GABRA2: variants seen among roughly 807,000 people sequenced by gnomAD.
The protein encoded by GABRA2 is gamma-aminobutyric acid receptor subunit alpha-2.
GABRA2 carries 16 observed loss-of-function variants against 48.7 expected under a neutral mutation model. The ratio of observed to expected loss-of-function variants is 0.33; its 90% confidence interval spans 0.22 to 0.50. GABRA2 has a LOEUF of 0.50. Ranked by LOEUF, GABRA2 falls within the 20% of genes least tolerant of loss-of-function variation. The pLI is 0.98. For synonymous variants in GABRA2, 185 were observed against 184.5 expected, an observed-to-expected ratio of 1.00 and a Z score of -0.02; for missense variants, 275 against 535.6, an observed-to-expected ratio of 0.51 and a Z score of 4.80.
intron 6 of GABRA2, among the ~76,000 whole-genome samples, chr4:46,307,106 T>C (rs1726835620): frequency 6.6e-6 from 1 of 152,022 alleles, no homozygotes; most frequent in African/African-American, 2.4e-5. Flanking sequence ...TTTATATATA[T>C]GTATATACTT....
chr4:46,291,899 G>T (rs1423017917), intron 8 of GABRA2, among the ~76,000 whole-genome samples: 1 of 151,726 alleles, frequency 6.6e-6, no homozygotes, highest in Non-Finnish European at 1.5e-5. Context: ...CAGAGAAATA[G>T]AATATTAAGG....
rs567609039 is a variant in GABRA2, at chr4:46,306,773, C to A, written c.560-1062G>T. Among the ~76,000 whole-genome samples the A allele has an allele frequency of 4.6e-5, 7 of 152,282 alleles. No homozygotes were observed. In the East Asian group the frequency reaches 1.4e-3, roughly 29 times the overall value. The stretch of plus-strand genomic sequence containing the variant: ...TCTCTAGGACACTGGAAATCTCATT[C>A]TCTGCAATCTATAACTTTCCTAGCT... On this transcript the variant is annotated intron_variant, in intron 6 of 9. Transcript: ENST00000381620.
intron 6 of GABRA2, 114 bp downstream of exon 6, chr4:46,310,059 T>G (rs570424914): frequency 7.3e-6 from 5 of 686,300 alleles, no homozygotes; most frequent in Non-Finnish European, 1.0e-5. Context: ...CCAAGTCTTA[T>G]TGACAATTGT....
chr4:46,313,325 T>TA (rs1338763065), intron 4 of GABRA2, among the ~76,000 whole-genome samples: 1 of 151,944 alleles, frequency 6.6e-6, no homozygotes, highest in Middle Eastern at 3.2e-3. Flanking sequence ...TTTTTAATCC[T>TA]AAAAAATGGT....
At chr4:46,278,816 G>C (rs1278887143) in intron 8 of GABRA2, among the ~76,000 whole-genome samples, 2 of 151,978 alleles carry the variant, frequency 1.3e-5, no homozygotes, top group Non-Finnish European at 2.9e-5. Flanking sequence ...GAATGTTCCA[G>C]AGTAGAATTA....
chr4:46,313,418 C>A (rs940052581), intron 4 of GABRA2, among the ~76,000 whole-genome samples: 5 of 151,834 alleles, frequency 3.3e-5, no homozygotes, highest in Non-Finnish European at 7.4e-5. Context: ...AATACAAGCA[C>A]CTTACAAGTT....
At chr4:46,303,188 G>A in intron 8 of GABRA2, 1 of 388,008 alleles carries the variant, frequency 2.6e-6, no homozygotes, top group Non-Finnish European at 4.6e-6. Flanking sequence ...TGTAAATATA[G>A]TACAGACAAA....
intron 5 of GABRA2, among the ~76,000 whole-genome samples, chr4:46,310,808 G>A (rs1007698760): frequency 6.6e-6 from 1 of 152,098 alleles, no homozygotes; most frequent in Non-Finnish European, 1.5e-5. Context: ...ATCAAGTTTA[G>A]ATTGTTGGCT....
At chr4:46,310,536 C>A (rs1727466954) in intron 5 of GABRA2, among the ~76,000 whole-genome samples, 1 of 152,050 alleles carries the variant, frequency 6.6e-6, no homozygotes. Context: ...TAAATGGCTC[C>A]TTTCTCATTA....
chr4:46,337,650 CAAA>C (rs71652880), intron 3 of GABRA2, among the ~76,000 whole-genome samples: 4 of 107,684 alleles, frequency 3.7e-5, no homozygotes, highest in Non-Finnish European at 3.8e-5. Flanking sequence ...TTGTTAAGAC[CAAA>C]AAAAAAAAAA....
chr4:46,334,015 T>C (rs188368885), intron 3 of GABRA2, among the ~76,000 whole-genome samples: 5 of 152,282 alleles, frequency 3.3e-5, no homozygotes, highest in Admixed American at 2.6e-4. Context: ...CAAATAAATA[T>C]GTTCATTAAG....
intron 4 of GABRA2, among the ~76,000 whole-genome samples, chr4:46,314,004 T>C (rs1355817512): frequency 6.6e-6 from 1 of 152,150 alleles, no homozygotes; most frequent in Non-Finnish European, 1.5e-5. Context: ...TCCTAGGTAC[T>C]GGCATGTGAG....
At chr4:46,361,664 T>C (rs1207386494) in intron 3 of GABRA2, among the ~76,000 whole-genome samples, 2 of 152,132 alleles carry the variant, frequency 1.3e-5, no homozygotes, top group East Asian at 3.9e-4. Context: ...CCCAGAATGG[T>C]AGATCCAGCA....
chr4:46,371,710 C>T (rs528020852), intron 3 of GABRA2, among the ~76,000 whole-genome samples: 64 of 152,100 alleles, frequency 4.2e-4, no homozygotes, highest in African/African-American at 3.1e-4. Flanking sequence ...CTTATATTTA[C>T]GAACAATTTT....
intron 4 of GABRA2, among the ~76,000 whole-genome samples, chr4:46,325,649 C>G (rs959291318): frequency 1.3e-5 from 2 of 151,956 alleles, no homozygotes; most frequent in African/African-American, 4.8e-5. Context: ...AAATTGTTGT[C>G]AAGGCCTAGG....
At chr4:46,326,342 A>G (rs1450165673) in intron 4 of GABRA2, among the ~76,000 whole-genome samples, 2 of 151,880 alleles carry the variant, frequency 1.3e-5, no homozygotes, top group Non-Finnish European at 2.9e-5. Flanking sequence ...ATGTTTTACT[A>G]TGCGCAAAAC....
At chr4:46,274,248 C>T (rs1386555300) in intron 8 of GABRA2, among the ~76,000 whole-genome samples, 1 of 152,032 alleles carries the variant, frequency 6.6e-6, no homozygotes, top group Non-Finnish European at 1.5e-5. Context: ...TACTGAAGAT[C>T]ATACTGTTAG....
chr4:46,320,076 G>A (rs1240722187), intron 4 of GABRA2, among the ~76,000 whole-genome samples: 1 of 151,674 alleles, frequency 6.6e-6, no homozygotes, highest in Non-Finnish European at 1.5e-5. Context: ...CAGAATATCA[G>A]AATAAAATTT....
At chr4:46,265,945 C>A (rs1293255897) in intron 8 of GABRA2, among the ~76,000 whole-genome samples, 1 of 151,828 alleles carries the variant, frequency 6.6e-6, no homozygotes, top group African/African-American at 2.4e-5. Flanking sequence ...TTAGAAATGT[C>A]TTGTTTAATG....
Sources: gnomAD v4.1 joint callset for allele counts (sites outside exome capture counted in the v4.1 genomes callset) on GRCh38, gnomAD v4.1.1 for gene constraint, MANE v1.5 for transcripts, NCBI Gene and HGNC (gene_info 2026-07-23, HGNC 2026-07-21) for gene names.